Variants in EYS observed in about 807,000 individuals in gnomAD.
EYS encodes protein eyes shut homolog.
Under a neutral mutation model 282.1 loss-of-function variants are expected in EYS, and 250 were observed. The observed-to-expected ratio is 0.89, with a 90% CI of 0.80 to 0.98. EYS has a LOEUF of 0.98. Among genes scored for constraint, EYS ranks in the 50% least tolerant of loss-of-function variants. The probability of loss-of-function intolerance (pLI) is 0.00; values close to 1 mark genes in which losing one functional copy is unlikely to be tolerated. For missense variants in EYS, 4,016 were observed against 3,709.0 expected (o/e 1.08, Z -2.15); for synonymous variants, 1,355 against 1,282.9 (o/e 1.06, Z -1.20).
rs185928736 is a variant in EYS at position 64,341,415 on chromosome 6, C to T, written c.6079-34333G>A. Among the ~76,000 whole-genome samples the T allele has an allele frequency of 2.5e-4, 38 of 151,868 alleles. No homozygotes were observed. The East Asian group carries it at 6.2e-3, about 25-fold the overall frequency. On this transcript the variant is annotated intron_variant, in intron 29 of 42. Transcript: ENST00000503581. Reference sequence around the variant, plus strand: ...GCAGCAGCATGGATATGGCTGGAGGCCATAAGCCTAAATGAATTAATGCTA... The same window carrying T: ...GCAGCAGCATGGATATGGCTGGAGGTCATAAGCCTAAATGAATTAATGCTA...
At chr6:64,829,280 G>A (rs1367408969) in intron 19 of EYS, among the ~76,000 whole-genome samples, 1 of 151,962 alleles carries the variant, frequency 6.6e-6, no homozygotes, top group Admixed American at 6.6e-5. Context: ...CACAATGGTG[G>A]TACAACAGGC....
intron 36 of EYS, among the ~76,000 whole-genome samples, chr6:63,807,377 A>G (rs1770933133): frequency 6.6e-6 from 1 of 152,218 alleles, no homozygotes; most frequent in Non-Finnish European, 1.5e-5. Flanking sequence ...TACAAGCCTT[A>G]AGAAATATAC....
intron 11 of EYS, among the ~76,000 whole-genome samples, chr6:65,317,674 C>T (rs1769328438): frequency 6.6e-6 from 1 of 152,132 alleles, no homozygotes; most frequent in East Asian, 1.9e-4. Flanking sequence ...CTGCCATTGT[C>T]TCAAGGCTTG....
intron 22 of EYS, among the ~76,000 whole-genome samples, chr6:64,659,508 A>AAC (rs1160719263): frequency 6.6e-6 from 1 of 152,004 alleles, no homozygotes; most frequent in East Asian, 1.9e-4. Flanking sequence ...TAAAGAAGAA[A>AAC]AGAGAGAAGA....
intron 31 of EYS, among the ~76,000 whole-genome samples, chr6:64,125,111 A>AT (rs1419012208): frequency 1.3e-5 from 2 of 149,776 alleles, no homozygotes; most frequent in South Asian, 2.1e-4. Context: ...CCTGACTCCC[A>AT]TTTTTTTTCT....
At chr6:64,967,342 T>G (rs79203176) in intron 14 of EYS, among the ~76,000 whole-genome samples, 4 of 151,560 alleles carry the variant, frequency 2.6e-5, no homozygotes, top group African/African-American at 7.3e-5. Context: ...TTTTTTTTTT[T>G]AAGACAGAGT....
intron 2 of EYS, among the ~76,000 whole-genome samples, chr6:65,600,873 T>C (rs1765594561): frequency 6.6e-6 from 1 of 152,006 alleles, no homozygotes; most frequent in Non-Finnish European, 1.5e-5. Context: ...GGAATTCCTT[T>C]CCCTATTGTT....
At chr6:64,326,944 G>A (rs1770446487) in intron 29 of EYS, among the ~76,000 whole-genome samples, 2 of 152,122 alleles carry the variant, frequency 1.3e-5, no homozygotes, top group South Asian at 4.1e-4. Context: ...CGAGGGGGTT[G>A]GGAACACTGG....
At position 65,238,354 on chromosome 6, in the gene EYS, A is replaced by C. The variant is rs1582051694; in HGVS notation, c.2023+57509T>G. ...TTTATCCATTTTCAATTAATATTTCACTGTCACTTGTCAGAAGAAATAATC... is the reference window on the plus strand; with the variant it reads ...TTTATCCATTTTCAATTAATATTTCCCTGTCACTTGTCAGAAGAAATAATC... On this transcript the variant is annotated intron_variant, in intron 12 of 42. Transcript: ENST00000503581. Among the ~76,000 whole-genome samples the C allele has an allele frequency of 2.6e-5, 4 of 151,618 alleles. No individual in the cohort carries two copies. The South Asian group carries it at 8.3e-4, about 31-fold the overall frequency.
intron 36 of EYS, among the ~76,000 whole-genome samples, chr6:63,832,006 C>T (rs896103567): frequency 6.6e-6 from 1 of 152,142 alleles, no homozygotes; most frequent in Non-Finnish European, 1.5e-5. Flanking sequence ...TAAAGATGTT[C>T]TTTGAAACCA....
chr6:64,658,204 T>C (rs1055626256), intron 22 of EYS, among the ~76,000 whole-genome samples: 1 of 152,234 alleles, frequency 6.6e-6, no homozygotes, highest in Non-Finnish European at 1.5e-5. Flanking sequence ...TTCAGCTCCA[T>C]CAGGTCCTTT....
intron 12 of EYS, among the ~76,000 whole-genome samples, chr6:65,154,630 GAGC>G (rs1764691138): frequency 6.6e-6 from 1 of 151,542 alleles, no homozygotes; most frequent in Non-Finnish European, 1.5e-5. Flanking sequence ...GAAGTGAGAA[GAGC>G]AGGAGAACTT....
At chr6:64,077,018 G>A (rs1771796310) in intron 32 of EYS, among the ~76,000 whole-genome samples, 1 of 151,872 alleles carries the variant, frequency 6.6e-6, no homozygotes. Context: ...TAGGCACTCA[G>A]AATTTGTTGA....
intron 28 of EYS, among the ~76,000 whole-genome samples, chr6:64,429,629 T>C (rs1451198376): frequency 1.3e-5 from 2 of 152,194 alleles, no homozygotes; most frequent in Non-Finnish European, 2.9e-5. Flanking sequence ...GGATTCTTTC[T>C]TGAGACCCTG....
At chr6:64,405,131 T>G (rs1313445943) in intron 28 of EYS, among the ~76,000 whole-genome samples, 1 of 152,090 alleles carries the variant, frequency 6.6e-6, no homozygotes, top group African/African-American at 2.4e-5. Flanking sequence ...TTCCTGATGC[T>G]CTCCCCGACT....
At chr6:65,211,855 A>G (rs935922015) in intron 12 of EYS, among the ~76,000 whole-genome samples, 13 of 152,094 alleles carry the variant, frequency 8.5e-5, no homozygotes, top group African/African-American at 3.1e-4. Context: ...TGTCTTCCAT[A>G]TGAGAATAGG....
chr6:64,184,774 T>A (rs1304215309), intron 31 of EYS, among the ~76,000 whole-genome samples: 1 of 152,202 alleles, frequency 6.6e-6, no homozygotes, highest in Admixed American at 6.5e-5. Flanking sequence ...ATTTCATAAA[T>A]CTGATTAAAA....
chr6:64,642,442 C>A (rs1402158031), intron 22 of EYS, among the ~76,000 whole-genome samples: 3 of 152,162 alleles, frequency 2.0e-5, no homozygotes, highest in Non-Finnish European at 4.4e-5. Context: ...CCTATACTTA[C>A]AATCGATATA....
intron 22 of EYS, among the ~76,000 whole-genome samples, chr6:64,689,005 C>A (rs1770268617): frequency 6.6e-6 from 1 of 151,964 alleles, no homozygotes; most frequent in Non-Finnish European, 1.5e-5. Context: ...AAAGGGCATT[C>A]AATTAGGAAA....
Sources: allele counts gnomAD v4.1 joint callset (sites outside exome capture counted in the v4.1 genomes callset), GRCh38; gene constraint gnomAD v4.1.1; transcripts MANE v1.5; gene names NCBI Gene and HGNC (gene_info 2026-07-23, HGNC 2026-07-21).